Variants in RBFOX1 observed in about 807,000 individuals in gnomAD.
The protein encoded by RBFOX1 is RNA binding protein fox-1 homolog 1.
In RBFOX1, 8 loss-of-function variants were observed where a neutral mutation model predicts 57.7. The ratio of observed to expected loss-of-function variants is 0.14; its 90% CI spans 0.08 to 0.25. RBFOX1 has a LOEUF of 0.25. Ranked by LOEUF, RBFOX1 falls within the 10% of genes least tolerant of loss-of-function variation. The pLI is 1.00. For synonymous variants in RBFOX1, 326 were observed against 222.4 expected, an observed-to-expected ratio of 1.47 and a Z score of -4.15; for missense variants, 611 against 548.5, an observed-to-expected ratio of 1.11 and a Z score of -1.14.
chr16:7,202,962 A>G (rs2152733387), intron 4 of RBFOX1, among the ~76,000 whole-genome samples: 1 of 151,988 alleles, frequency 6.6e-6, no homozygotes, highest in South Asian at 2.1e-4. Context: ...TTGTTTTTAT[A>G]TTTTTAGTAG....
chr16:7,192,479 C>T (rs865878288), intron 4 of RBFOX1, among the ~76,000 whole-genome samples: 11 of 152,292 alleles, frequency 7.2e-5, no homozygotes, highest in South Asian at 6.2e-4. Flanking sequence ...TAGTAAAGTA[C>T]TTAGCAAGCA....
At chr16:5,924,958 T>C (rs904817539) in intron 4 of RBFOX1, among the ~76,000 whole-genome samples, 2 of 152,180 alleles carry the variant, frequency 1.3e-5, no homozygotes, top group African/African-American at 4.8e-5. Context: ...TGCCCTAAGT[T>C]GGTTCAGGGA....
intron 2 of RBFOX1, among the ~76,000 whole-genome samples, chr16:6,587,101 A>G (rs546439636): frequency 6.6e-6 from 1 of 152,200 alleles, no homozygotes; most frequent in African/African-American, 2.4e-5. Context: ...TGTAGTCACC[A>G]TGATGTACAA....
chr16:6,480,404 C>T (rs2095354976), intron 2 of RBFOX1, among the ~76,000 whole-genome samples: 1 of 152,200 alleles, frequency 6.6e-6, no homozygotes, highest in South Asian at 2.1e-4. Context: ...CGTAGCAACC[C>T]ATAAACAAAT....
intron 3 of RBFOX1, among the ~76,000 whole-genome samples, chr16:6,799,973 C>G (rs74404054): frequency 2.7e-3 from 417 of 152,236 alleles, no homozygotes; most frequent in African/African-American, 9.6e-3. Context: ...CCTTAATAAA[C>G]TTCCTTTCAT....
intron 2 of RBFOX1, chr16:6,483,572 C>G (rs1247545893): frequency 6.5e-7 from 1 of 1,533,656 alleles, no homozygotes; most frequent in Non-Finnish European, 8.7e-7. Flanking sequence ...GACTCTAAAA[C>G]ACTGTCAGGG....
chr16:5,748,150 A>G (rs1233482672), intron 3 of RBFOX1, among the ~76,000 whole-genome samples: 5 of 152,254 alleles, frequency 3.3e-5, no homozygotes, highest in African/African-American at 1.2e-4. Context: ...GTCTTTCAGG[A>G]GCAGGTTGTT....
chr16:7,162,445 G>C (rs1035400461), intron 4 of RBFOX1, among the ~76,000 whole-genome samples: 11 of 151,594 alleles, frequency 7.3e-5, no homozygotes, highest in Non-Finnish European at 1.3e-4. Context: ...AAAGAATCTA[G>C]ACTTCTGGGC....
At chr16:6,918,973 C>G (rs1489587152) in intron 3 of RBFOX1, among the ~76,000 whole-genome samples, 1 of 151,992 alleles carries the variant, frequency 6.6e-6, no homozygotes, top group Non-Finnish European at 1.5e-5. Context: ...ATAACAACAG[C>G]TAATGATTTT....
At chr16:6,954,028 G>A (rs981241280) in intron 3 of RBFOX1, among the ~76,000 whole-genome samples, 4 of 152,118 alleles carry the variant, frequency 2.6e-5, no homozygotes, top group Admixed American at 6.6e-5. Flanking sequence ...TGAGCCAGGC[G>A]CATATACCCC....
intron 5 of RBFOX1, among the ~76,000 whole-genome samples, chr16:7,543,408 C>T (rs770457137): frequency 2.6e-5 from 4 of 152,142 alleles, no homozygotes; most frequent in Non-Finnish European, 5.9e-5. Flanking sequence ...GAGATGCCAG[C>T]AGCTATCACT....
intron 2 of RBFOX1, among the ~76,000 whole-genome samples, chr16:6,567,897 T>C (rs2097289767): frequency 6.6e-6 from 1 of 152,176 alleles, no homozygotes; most frequent in Admixed American, 6.5e-5. Context: ...TACAGTTTGC[T>C]GGAGCCTTGA....
Position 7,388,644 on chromosome 16 carries a change from C to CTTTT in RBFOX1, c.28-129481_28-129478dup, listed in dbSNP as rs61629644. ...CCCAACTTAAAAGTGGTTTCACTTACTTTTTTTTTTTTTTTTTTTTTTTTT... is the reference window on the plus strand; with the variant it reads ...CCCAACTTAAAAGTGGTTTCACTTACTTTTTTTTTTTTTTTTTTTTTTTTTTTTT... On this transcript the variant is annotated intron_variant, in intron 4 of 15. Coordinates refer to ENST00000550418, the MANE Select transcript of RBFOX1 (RefSeq NM_018723.4). Among the ~76,000 whole-genome samples, 52 of 92,606 alleles carry CTTTT rather than the reference C, an allele frequency of 5.6e-4. 2 individuals carry two copies. Among genetic ancestry groups the CTTTT allele is most frequent in the African/African-American group, 1.1e-3 (27 of 23,704 alleles). 60.8% of individuals were successfully genotyped at this position (92,606 alleles called of 152,430 possible). A position where few individuals can be genotyped will look rare whatever the true frequency, so the allele number is the denominator to read the frequency against.
At chr16:5,807,897 C>A (rs149198754) in intron 3 of RBFOX1, among the ~76,000 whole-genome samples, 1 of 152,292 alleles carries the variant, frequency 6.6e-6, no homozygotes, top group African/African-American at 2.4e-5. Flanking sequence ...TGGACACTTT[C>A]CAGAACCACA....
At chr16:6,036,295 G>A (rs113687320) in intron 1 of RBFOX1, among the ~76,000 whole-genome samples, 1 of 152,196 alleles carries the variant, frequency 6.6e-6, no homozygotes. Flanking sequence ...ATGTATAAAG[G>A]CATGGAGGCC....
chr16:6,886,768 C>G (rs76289222), intron 3 of RBFOX1, among the ~76,000 whole-genome samples: 4 of 111,922 alleles, frequency 3.6e-5, no homozygotes, highest in Admixed American at 2.7e-4. Context: ...AAAACAAAAA[C>G]AAAACAAAAC....
chr16:6,542,997 C>A (rs2096844896), intron 2 of RBFOX1, among the ~76,000 whole-genome samples: 1 of 152,122 alleles, frequency 6.6e-6, no homozygotes, highest in Non-Finnish European at 1.5e-5. Flanking sequence ...CTTTATCATT[C>A]CTCCTCCTCT....
intron 3 of RBFOX1, chr16:6,775,615 C>G (rs1045655273): frequency 5.9e-5 from 9 of 152,142 alleles, no homozygotes; most frequent in Non-Finnish European, 2.9e-5. Flanking sequence ...CTAATCGAGA[C>G]AGCCCTCTCC....
chr16:7,310,798 T>C (rs1273137623), intron 4 of RBFOX1, among the ~76,000 whole-genome samples: 2 of 152,174 alleles, frequency 1.3e-5, no homozygotes, highest in Non-Finnish European at 1.5e-5. Flanking sequence ...ACCCATTCCA[T>C]GTTGATGGAA....
Sources: allele counts gnomAD v4.1 joint callset (sites outside exome capture counted in the v4.1 genomes callset), GRCh38; gene constraint gnomAD v4.1.1; transcripts MANE v1.5; gene names NCBI Gene and HGNC (gene_info 2026-07-23, HGNC 2026-07-21).